Variants in SERPINI1 observed in about 807,000 individuals in gnomAD.
SERPINI1 encodes the protein serpin family I member 1.
A neutral mutation model predicts 41.1 loss-of-function variants in SERPINI1; 19 were observed. The observed-to-expected ratio is 0.46, with a 90% CI of 0.32 to 0.68. SERPINI1 has a LOEUF of 0.68. SERPINI1 is among the 30% of genes least tolerant of loss of function. The pLI is 0.03. For synonymous variants in SERPINI1, 138 were observed against 156.6 expected (o/e 0.88, Z 0.89); for missense variants, 460 against 479.2 (o/e 0.96, Z 0.37).
chr3:167,768,224 C>T (rs1039357819), intron 1 of SERPINI1, among the ~76,000 whole-genome samples: 39 of 152,338 alleles, frequency 2.6e-4, no homozygotes, highest in African/African-American at 9.1e-4. Context: ...AGGTAAGACC[C>T]TCCACCAATG....
chr3:167,780,095 G>T (rs557170482), intron 1 of SERPINI1, among the ~76,000 whole-genome samples: 2 of 152,108 alleles, frequency 1.3e-5, no homozygotes, highest in African/African-American at 4.8e-5. Flanking sequence ...TTTAAAAAAT[G>T]GAGTATATTT....
At chr3:167,783,400 A>T (rs1342676823) in intron 1 of SERPINI1, among the ~76,000 whole-genome samples, 2 of 152,246 alleles carry the variant, frequency 1.3e-5, no homozygotes, top group Admixed American at 6.5e-5. Context: ...CTTGAATTCA[A>T]ACTGCTGGCA....
intron 1 of SERPINI1, among the ~76,000 whole-genome samples, chr3:167,744,042 G>A (rs965372787): frequency 1.4e-4 from 22 of 152,018 alleles, no homozygotes; most frequent in African/African-American, 4.8e-4. Context: ...CAATGAAGAC[G>A]TGAACCACAA....
intron 6 of SERPINI1, among the ~76,000 whole-genome samples, chr3:167,821,407 G>A (rs576665904): frequency 1.1e-4 from 16 of 152,158 alleles, no homozygotes; most frequent in Admixed American, 1.0e-3. Context: ...ACATTTCCTG[G>A]TGCCAGCAGT....
Position 167,822,970 on chromosome 3 carries a change from G to T in SERPINI1, c.980-16G>T. On this transcript the variant is annotated splice_polypyrimidine_tract_variant and intron_variant, in intron 6 of 8. Coordinates refer to ENST00000446050, the MANE Select transcript of SERPINI1 (RefSeq NM_001122752.2). ...CTCTGAATGAAAAAAAAAAATTTCT[G>T]ATTCTCTTTTTGCAGATAATAAGGA... 6.6e-7 allele frequency: 1 copy of T among 1,506,064 alleles called. No individual in the cohort carries two copies. Among genetic ancestry groups the T allele is most frequent in the Non-Finnish European group, 9.2e-7 (1 of 1,082,056 alleles). 93.3% of individuals were successfully genotyped at this position (1,506,064 alleles called of 1,614,324 possible). A position where few individuals can be genotyped will look rare whatever the true frequency, so the allele number is the denominator to read the frequency against.
chr3:167,766,079 A>T (rs1027338531), intron 1 of SERPINI1, among the ~76,000 whole-genome samples: 2 of 151,316 alleles, frequency 1.3e-5, no homozygotes, highest in Admixed American at 6.6e-5. Flanking sequence ...AACTTTTCCA[A>T]CCTCTGCCTG....
chr3:167,821,575 C>T (rs1321338597), intron 6 of SERPINI1, among the ~76,000 whole-genome samples: 1 of 152,144 alleles, frequency 6.6e-6, no homozygotes. Context: ...CTCACCACTC[C>T]ACACCTGGCT....
chr3:167,802,365 G>A (rs1166600708), intron 5 of SERPINI1, among the ~76,000 whole-genome samples: 2 of 150,452 alleles, frequency 1.3e-5, no homozygotes, highest in African/African-American at 4.9e-5. Context: ...GAAAATTTTT[G>A]CAACCTACTC....
At chr3:167,818,088 T>C in intron 6 of SERPINI1, among the ~76,000 whole-genome samples, 1 of 151,740 alleles carries the variant, frequency 6.6e-6, no homozygotes, top group East Asian at 2.0e-4. Flanking sequence ...TGCAATGGCA[T>C]GTTCTCGGCT....
chr3:167,750,669 A>G (rs1726014367), intron 1 of SERPINI1, among the ~76,000 whole-genome samples: 1 of 152,132 alleles, frequency 6.6e-6, no homozygotes. Flanking sequence ...TGACAATCGT[A>G]TGAGACAAGT....
chr3:167,789,279 T>C lies in SERPINI1; in HGVS notation c.151T>C (p.Leu51=), dbSNP rs1214657145. The C allele has an allele frequency of 6.2e-7, 1 of 1,614,050 alleles. No individual in the cohort carries two copies. Among genetic ancestry groups the C allele is most frequent in the African/African-American group, 1.3e-5 (1 of 74,940 alleles). ...AGATGAAAATATTCTCTTCTCTCCA[T>C]TGAGTATTGCTCTTGCAATGGGAAT... is the stretch of plus-strand genomic sequence containing the variant. ...GEDENILFSP[L]SIALAMGMME... The change falls in exon 2 of 9, where the codon TTG becomes CTG. Residue 51 remains leucine (L), a synonymous_variant. Coordinates refer to ENST00000446050, the MANE Select transcript of SERPINI1 (RefSeq NM_001122752.2).
At chr3:167,757,192 C>G (rs142504694) in intron 1 of SERPINI1, among the ~76,000 whole-genome samples, 1 of 152,122 alleles carries the variant, frequency 6.6e-6, no homozygotes, top group African/African-American at 2.4e-5. Flanking sequence ...ACTGATGAAG[C>G]CTAGAGCTTT....
intron 1 of SERPINI1, among the ~76,000 whole-genome samples, chr3:167,737,783 GAT>G (rs1193074787): frequency 6.6e-6 from 1 of 152,090 alleles, no homozygotes; most frequent in African/African-American, 2.4e-5. Context: ...TTGAAATTAA[GAT>G]ATACTTTGAA....
At chr3:167,808,678 G>A (rs943318657) in intron 6 of SERPINI1, among the ~76,000 whole-genome samples, 1 of 152,156 alleles carries the variant, frequency 6.6e-6, no homozygotes, top group Non-Finnish European at 1.5e-5. Flanking sequence ...GAATCAAGCT[G>A]ACCAAACTAT....
intron 1 of SERPINI1, among the ~76,000 whole-genome samples, chr3:167,743,690 A>G (rs1456294612): frequency 6.6e-6 from 1 of 152,162 alleles, no homozygotes; most frequent in Admixed American, 6.5e-5. Flanking sequence ...ATATAAAATT[A>G]CTGTCTGGCA....
rs772199277 is a variant in SERPINI1, at chr3:167,792,574, A to AT, written c.482-10dup. 19 of 1,609,812 alleles carry AT rather than the reference A, an allele frequency of 1.2e-5. 1 individual carries two copies. In the South Asian group the frequency reaches 1.9e-4, roughly 16 times the overall value. ...GTTTAACATGAATTTTTATCTATTC[A>AT]TTTTTTCCTAAATAGATCTGGTGAA... On this transcript the variant is annotated splice_polypyrimidine_tract_variant and intron_variant, in intron 3 of 8. Transcript: ENST00000446050.
At chr3:167,802,109 T>G (rs974435663) in intron 5 of SERPINI1, among the ~76,000 whole-genome samples, 7 of 151,978 alleles carry the variant, frequency 4.6e-5, no homozygotes, top group Non-Finnish European at 1.0e-4. Flanking sequence ...TCCTTACACC[T>G]TATACAAAAA....
At chr3:167,810,862 G>A (rs1356133564) in intron 6 of SERPINI1, among the ~76,000 whole-genome samples, 51 of 152,110 alleles carry the variant, frequency 3.4e-4, no homozygotes, top group Admixed American at 3.3e-3. Flanking sequence ...TTCTGTCATA[G>A]TTTAAGTCCT....
intron 1 of SERPINI1, among the ~76,000 whole-genome samples, chr3:167,768,471 C>T (rs35724535): frequency 2.5e-3 from 377 of 152,244 alleles, no homozygotes; most frequent in South Asian, 6.0e-3. Context: ...CCAGCAATAT[C>T]GCTGAGGTAT....
Sources: allele counts gnomAD v4.1 joint callset (sites outside exome capture counted in the v4.1 genomes callset), GRCh38; gene constraint gnomAD v4.1.1; transcripts MANE v1.5; gene names NCBI Gene and HGNC (gene_info 2026-07-23, HGNC 2026-07-21).